The following SOS1 variants were observed in gnomAD, a reference collection of about 807,000 sequenced individuals.
SOS1 encodes the protein SOS Ras/Rac guanine nucleotide exchange factor 1, also known as son of sevenless homolog 1.
SOS1 carries 25 observed loss-of-function variants against 157.6 expected under a neutral mutation model. That is an observed-to-expected ratio of 0.16 (90% confidence interval 0.12 to 0.22). SOS1 has a LOEUF of 0.22. Among genes scored for constraint, SOS1 ranks in the 10% least tolerant of loss-of-function variants. The pLI is 1.00. For missense variants in SOS1, 1,237 were observed against 1,599.1 expected (o/e 0.77, Z 3.86); for synonymous variants, 528 against 534.0 (o/e 0.99, Z 0.16).
chr2:39,057,835 T>G (rs752071115), intron 3 of SOS1, among the ~76,000 whole-genome samples: 16 of 152,074 alleles, frequency 1.1e-4, no homozygotes, highest in Non-Finnish European at 2.4e-4. Context: ...AACCTTAAAC[T>G]CATTCAAGTG....
chr2:39,111,294 A>C (rs1228634013), intron 1 of SOS1, among the ~76,000 whole-genome samples: 1 of 152,178 alleles, frequency 6.6e-6, no homozygotes, highest in Non-Finnish European at 1.5e-5. Context: ...CATGCCATAG[A>C]GCAAACATAA....
intron 10 of SOS1, 61 bp from the exon 11 acceptor site, chr2:39,014,907 T>TA: frequency 2.1e-6 from 2 of 934,764 alleles, no homozygotes; most frequent in South Asian, 1.4e-5. Context: ...TTAAAACTGT[T>TA]ATGTACATTT....
At chr2:39,108,042 C>T (rs187776723) in intron 1 of SOS1, among the ~76,000 whole-genome samples, 56 of 152,310 alleles carry the variant, frequency 3.7e-4, no homozygotes, top group African/African-American at 1.3e-3. Context: ...TCCCTCCAAA[C>T]GTGATCCTCT....
chr2:39,110,732 T>C (rs1673393710), intron 1 of SOS1, among the ~76,000 whole-genome samples: 1 of 152,074 alleles, frequency 6.6e-6, no homozygotes, highest in Non-Finnish European at 1.5e-5. Flanking sequence ...ATTAGGAAAA[T>C]ATCGGCAAAG....
At chr2:39,104,880 A>T (rs1673106068) in intron 1 of SOS1, among the ~76,000 whole-genome samples, 1 of 152,260 alleles carries the variant, frequency 6.6e-6, no homozygotes, top group African/African-American at 2.4e-5. Context: ...GTAGAGACAG[A>T]AAGTAGATTA....
At chr2:39,048,036 G>A (rs138058417) in intron 6 of SOS1, among the ~76,000 whole-genome samples, 5 of 152,202 alleles carry the variant, frequency 3.3e-5, no homozygotes, top group African/African-American at 1.2e-4. Context: ...TTATCTTCCA[G>A]TCTATAGCTT....
intron 10 of SOS1, among the ~76,000 whole-genome samples, chr2:39,020,292 ATAAAG>A (rs1342464617): frequency 6.6e-6 from 1 of 151,722 alleles, no homozygotes; most frequent in Admixed American, 6.6e-5. Context: ...TGAAGTCTGA[ATAAAG>A]TAAGGTTAAA....
At chr2:39,045,435 A>G (rs930599417) in intron 6 of SOS1, among the ~76,000 whole-genome samples, 2 of 151,940 alleles carry the variant, frequency 1.3e-5, no homozygotes, top group Admixed American at 1.3e-4. Flanking sequence ...GTCAGTTTCT[A>G]CTTCTTATAT....
chr2:39,038,914 AAAC>A (rs1670455828), intron 6 of SOS1, among the ~76,000 whole-genome samples: 1 of 152,002 alleles, frequency 6.6e-6, no homozygotes, highest in Non-Finnish European at 1.5e-5. Context: ...AAGTGCTATC[AAAC>A]AACATCACCA....
chr2:39,015,230 A>G (rs1441888546), intron 10 of SOS1, among the ~76,000 whole-genome samples: 1 of 151,754 alleles, frequency 6.6e-6, no homozygotes, highest in East Asian at 1.9e-4. Flanking sequence ...GCAATAACCC[A>G]TTACTTTTCC....
intron 1 of SOS1, among the ~76,000 whole-genome samples, chr2:39,089,246 C>T (rs529162777): frequency 1.9e-4 from 29 of 152,278 alleles, no homozygotes; most frequent in African/African-American, 6.3e-4. Flanking sequence ...CAACCTGGCC[C>T]GGCACAGTGG....
chr2:39,029,495 A>T (rs1309464629), intron 8 of SOS1, among the ~76,000 whole-genome samples: 1 of 151,806 alleles, frequency 6.6e-6, no homozygotes, highest in Non-Finnish European at 1.5e-5. Context: ...ATGGTGGCGC[A>T]CAACCAGAGT....
At chr2:39,047,166 C>T (rs1195723439) in intron 6 of SOS1, among the ~76,000 whole-genome samples, 1 of 152,162 alleles carries the variant, frequency 6.6e-6, no homozygotes, top group African/African-American at 2.4e-5. Flanking sequence ...TGTTTCTGAA[C>T]TTCCCATATA....
intron 22 of SOS1, 90 bp from the exon 23 acceptor site, chr2:38,986,405 C>A: frequency 8.3e-7 from 1 of 1,208,026 alleles, no homozygotes; most frequent in Non-Finnish European, 1.2e-6. Context: ...TTCAAACATG[C>A]TATTGGCAGG....
intron 17 of SOS1, among the ~76,000 whole-genome samples, 185 bp from the exon 18 acceptor site, chr2:38,997,610 T>TTC (rs1668940870): frequency 6.6e-6 from 1 of 151,158 alleles, no homozygotes; most frequent in Non-Finnish European, 1.5e-5. Flanking sequence ...ACTTAAATTT[T>TTC]TTTTTTTTTT....
At chr2:39,020,704 T>C (rs1338380609) in intron 10 of SOS1, among the ~76,000 whole-genome samples, 1 of 151,702 alleles carries the variant, frequency 6.6e-6, no homozygotes, top group Non-Finnish European at 1.5e-5. Flanking sequence ...TTAAAAACCA[T>C]TCTATGTTGC....
intron 1 of SOS1, among the ~76,000 whole-genome samples, chr2:39,077,756 G>C (rs1363590516): frequency 6.6e-6 from 1 of 152,108 alleles, no homozygotes; most frequent in African/African-American, 2.4e-5. Context: ...TATAGTGCTA[G>C]GACATTGGCA....
At chr2:38,998,053 TGTAAA>T (rs1668958221) in intron 17 of SOS1, among the ~76,000 whole-genome samples, 1 of 152,178 alleles carries the variant, frequency 6.6e-6, no homozygotes, top group African/African-American at 2.4e-5. Flanking sequence ...ATACGATTTA[TGTAAA>T]TTCTGGTCTT....
intron 2 of SOS1, among the ~76,000 whole-genome samples, chr2:39,063,621 A>G (rs984723410): frequency 2.0e-5 from 3 of 152,240 alleles, no homozygotes; most frequent in African/African-American, 7.2e-5. Context: ...AGTACAATTT[A>G]TCAAAACTTT....
Sources: gnomAD v4.1 joint callset for allele counts (sites outside exome capture counted in the v4.1 genomes callset) on GRCh38, gnomAD v4.1.1 for gene constraint, MANE v1.5 for transcripts, NCBI Gene and HGNC (gene_info 2026-07-23, HGNC 2026-07-21) for gene names.